Variants in EGFR observed in about 807,000 individuals in gnomAD.
EGFR encodes the protein epidermal growth factor receptor.
A neutral mutation model predicts 143.0 loss-of-function variants in EGFR; 58 were observed. The observed-to-expected ratio is 0.41, with a 90% CI of 0.33 to 0.50. The LOEUF (loss-of-function observed/expected upper bound fraction) is 0.50, where lower values mean the gene tolerates loss of function less well. EGFR is among the 20% of genes least tolerant of loss of function. EGFR has a pLI of 0.39. For synonymous variants in EGFR, 613 were observed against 594.4 expected, an observed-to-expected ratio of 1.03 and a Z score of -0.45; for missense variants, 1,307 against 1,579.0, an observed-to-expected ratio of 0.83 and a Z score of 2.92.
chr7:55,170,391 C>A (rs1413131613), intron 15 of EGFR: 3 of 1,614,036 alleles, frequency 1.9e-6, no homozygotes, highest in Non-Finnish European at 2.5e-6. Flanking sequence ...GCAGCGTGTC[C>A]CACCAGAGCG....
rs775394093 is a variant in EGFR at position 55,163,788 on chromosome 7, C to T, written c.1687C>T (p.Leu563=). 1.2e-6 allele frequency: 2 copies of T among 1,614,218 alleles called. No homozygotes were observed. Among genetic ancestry groups the T allele is most frequent in the Non-Finnish European group, 1.7e-6 (2 of 1,180,042 alleles). Residue 563 remains leucine (L), a synonymous_variant, in exon 14 of 28, where the codon CTG becomes TTG. Coordinates refer to ENST00000275493, the MANE Select transcript of EGFR (RefSeq NM_005228.5). ...GTGCATACAGTGCCACCCAGAGTGC[C>T]TGCCTCAGGCCATGAACATCACCTG... is the stretch of plus-strand genomic sequence containing the variant. ...SECIQCHPEC[L]PQAMNITCTG...
At chr7:55,112,030 C>A (rs1189571430) in intron 1 of EGFR, among the ~76,000 whole-genome samples, 3 of 152,116 alleles carry the variant, frequency 2.0e-5, no homozygotes, top group East Asian at 3.9e-4. Context: ...GAACTCCTGG[C>A]GTGACTGAGG....
At chr7:55,075,472 A>G (rs1790083387) in intron 1 of EGFR, among the ~76,000 whole-genome samples, 1 of 152,212 alleles carries the variant, frequency 6.6e-6, no homozygotes, top group Non-Finnish European at 1.5e-5. Flanking sequence ...CTACCACAAC[A>G]ATGCAACAAT....
chr7:55,201,689 A>G (rs1387343437), intron 25 of EGFR, 46 bp from the exon 26 acceptor site: 1 of 1,611,242 alleles, frequency 6.2e-7, no homozygotes, highest in African/African-American at 1.3e-5. Flanking sequence ...AGTGGATGAG[A>G]TGTGGTACAA....
intron 26 of EGFR, 77 bp downstream of exon 26, chr7:55,201,859 C>A (rs1055941547): frequency 6.5e-7 from 1 of 1,536,720 alleles, no homozygotes. Flanking sequence ...ATGCCTTAAC[C>A]TAAATAATTT....
chr7:55,183,024 A>G (rs928267530), intron 20 of EGFR, among the ~76,000 whole-genome samples: 3 of 152,150 alleles, frequency 2.0e-5, no homozygotes, highest in African/African-American at 7.2e-5. Flanking sequence ...TCTGGAGGCC[A>G]GGTGTCTAAA....
intron 1 of EGFR, among the ~76,000 whole-genome samples, chr7:55,070,306 T>A (rs1266919291): frequency 6.6e-6 from 1 of 152,136 alleles, no homozygotes; most frequent in Non-Finnish European, 1.5e-5. Context: ...AAGTTCTGAG[T>A]CCCCTGGTAT....
Position 55,206,035 on chromosome 7 carries a change from C to T in EGFR, c.*418C>T, listed in dbSNP as rs2128975952. The T allele has an allele frequency of 2.7e-6, 1 of 368,612 alleles. No individual in the cohort carries two copies. The highest frequency in any genetic ancestry group is 5.0e-6 in the Non-Finnish European group (1 of 199,958). 22.8% of individuals were successfully genotyped at this position (368,612 alleles called of 1,614,324 possible). ...CTGGTAGCACTTGCTACCCTGAGTTCATCCAGGCCCAACTGTGAGCAAGGA... is the reference window on the plus strand; with the variant it reads ...CTGGTAGCACTTGCTACCCTGAGTTTATCCAGGCCCAACTGTGAGCAAGGA... On this transcript the variant is annotated 3_prime_UTR_variant, in exon 28 of 28. Coordinates refer to ENST00000275493, the MANE Select transcript of EGFR (RefSeq NM_005228.5).
At chr7:55,091,417 G>A (rs1791102554) in intron 1 of EGFR, among the ~76,000 whole-genome samples, 1 of 152,188 alleles carries the variant, frequency 6.6e-6, no homozygotes. Context: ...ACCAGCCAGG[G>A]AATGAGAGGC....
intron 1 of EGFR, among the ~76,000 whole-genome samples, chr7:55,069,400 C>T: frequency 6.6e-6 from 1 of 152,196 alleles, no homozygotes; most frequent in East Asian, 1.9e-4. Context: ...TAATAATAAA[C>T]AGCCTCAGAC....
At chr7:55,091,669 G>T (rs989512632) in intron 1 of EGFR, among the ~76,000 whole-genome samples, 1 of 152,120 alleles carries the variant, frequency 6.6e-6, no homozygotes, top group African/African-American at 2.4e-5. Flanking sequence ...CTAAAATCTG[G>T]TCCTGACTAG....
intron 1 of EGFR, among the ~76,000 whole-genome samples, chr7:55,120,088 G>A (rs528862935): frequency 1.3e-5 from 2 of 152,320 alleles, no homozygotes; most frequent in South Asian, 2.1e-4. Context: ...GGATGGACCC[G>A]AGGCCGCTGA....
At chr7:55,079,494 G>A (rs1333881517) in intron 1 of EGFR, among the ~76,000 whole-genome samples, 2 of 152,160 alleles carry the variant, frequency 1.3e-5, no homozygotes, top group African/African-American at 4.8e-5. Context: ...TCCTTCCAGG[G>A]CCAGGACTGG....
chr7:55,027,478 C>G (rs1786959416), intron 1 of EGFR, among the ~76,000 whole-genome samples: 2 of 152,256 alleles, frequency 1.3e-5, no homozygotes, highest in South Asian at 2.1e-4. Flanking sequence ...TTCTAAATGA[C>G]CATGAGGAAA....
intron 1 of EGFR, among the ~76,000 whole-genome samples, chr7:55,052,022 G>A (rs1254513040): frequency 6.6e-6 from 1 of 152,198 alleles, no homozygotes; most frequent in Non-Finnish European, 1.5e-5. Flanking sequence ...TGCCCACTGA[G>A]TCCAGAACTG....
intron 27 of EGFR, among the ~76,000 whole-genome samples, chr7:55,204,401 CAT>C (rs1322234005): frequency 6.7e-6 from 1 of 149,402 alleles, no homozygotes; most frequent in East Asian, 2.0e-4. Context: ...AACATATAGA[CAT>C]ATACACACCA....
chr7:55,191,031 C>T (rs1439431829), intron 20 of EGFR, among the ~76,000 whole-genome samples: 1 of 152,142 alleles, frequency 6.6e-6, no homozygotes, highest in African/African-American at 2.4e-5. Flanking sequence ...GGTAGCATTT[C>T]TAGGAATTCA....
intron 1 of EGFR, among the ~76,000 whole-genome samples, chr7:55,063,898 A>T (rs1369573194): frequency 6.6e-6 from 1 of 152,186 alleles, no homozygotes; most frequent in Non-Finnish European, 1.5e-5. Flanking sequence ...CATTCTTAGG[A>T]TTACTCACTT....
chr7:55,112,371 A>C (rs937125359), intron 1 of EGFR, among the ~76,000 whole-genome samples: 2 of 152,248 alleles, frequency 1.3e-5, no homozygotes, highest in Non-Finnish European at 2.9e-5. Flanking sequence ...CACAGCAGCC[A>C]GGCGACTGAG....
Sources: gnomAD v4.1 joint callset for allele counts (sites outside exome capture counted in the v4.1 genomes callset) on GRCh38, gnomAD v4.1.1 for gene constraint, MANE v1.5 for transcripts, NCBI Gene and HGNC (gene_info 2026-07-23, HGNC 2026-07-21) for gene names.